The following C21orf58 variants were observed in gnomAD, a reference collection of about 807,000 sequenced individuals.
C21orf58 encodes the protein chromosome 21 open reading frame 58.
In C21orf58, 34 loss-of-function variants were observed where a neutral mutation model predicts 35.8. The ratio of observed to expected loss-of-function variants is 0.95; its 90% CI spans 0.72 to 1.26. The LOEUF is 1.26. C21orf58 is among the 50% of genes most tolerant of loss of function. The pLI, the probability that C21orf58 is intolerant of heterozygous loss-of-function variation, is 0.00. For missense variants in C21orf58, 440 were observed against 414.3 expected (o/e 1.06, Z -0.54); for synonymous variants, 191 against 175.8 (o/e 1.09, Z -0.68).
intron 5 of C21orf58, chr21:46,313,084 G>A (rs2082811149): frequency 1.0e-6 from 1 of 984,822 alleles, no homozygotes; most frequent in Non-Finnish European, 1.2e-6. Context: ...GCAAACTTTT[G>A]CCAAGAGCTA....
In C21orf58 at chr21:46,301,472, C is replaced by T; in HGVS notation, c.*527G>A. 3.6e-6 allele frequency: 3 copies of T among 831,728 alleles called. No homozygotes were observed. Among genetic ancestry groups the T allele is most frequent in the Non-Finnish European group, 3.9e-6 (3 of 760,584 alleles). The allele number at this position is 831,728 out of a possible 1,614,324, so 51.5% of individuals were successfully genotyped here. ...TCTTTAGTGGGAGTCTGTGCCACAG[C>T]TGTGGACACAGGTGTCCCTAGTTAT... is the stretch of plus-strand genomic sequence containing the variant. On this transcript the variant is annotated 3_prime_UTR_variant, in exon 8 of 8. Coordinates refer to ENST00000291691, the MANE Select transcript of C21orf58 (RefSeq NM_058180.5).
intron 6 of C21orf58, among the ~76,000 whole-genome samples, chr21:46,303,757 TTTTTTTTTTTTG>T (rs1569116993): frequency 2.4e-5 from 2 of 82,214 alleles, no homozygotes; most frequent in Non-Finnish European, 5.0e-5. Context: ...TTTTTTTTTT[TTTTTTTTTTTTG>T]GAGACAGAGT....
At chr21:46,308,276 C>T (rs2082514821) in intron 6 of C21orf58, among the ~76,000 whole-genome samples, 1 of 152,266 alleles carries the variant, frequency 6.6e-6, no homozygotes, top group Admixed American at 6.5e-5. Flanking sequence ...GCCTGGCCAA[C>T]ATGGAGAAAC....
rs566609982 is a variant in C21orf58 at position 46,313,163 on chromosome 21, G to A, written c.609+1553C>T. On this transcript the variant is annotated intron_variant, in intron 5 of 7. Transcript: ENST00000291691. ...AGTTGGCCATTGCAGCATGAAAGCA[G>A]CTACGGACAATGTGGAAACAAATGG... is the stretch of plus-strand genomic sequence containing the variant. The A allele has an allele frequency of 5.9e-5, 34 of 572,468 alleles. No individual in the cohort carries two copies. In the Middle Eastern group the frequency reaches 2.6e-3, roughly 44 times the overall value. The allele number at this position is 572,468 out of a possible 1,614,324, so 35.5% of individuals were successfully genotyped here. A position where few individuals can be genotyped will look rare whatever the true frequency, so the allele number is the denominator to read the frequency against.
intron 6 of C21orf58, among the ~76,000 whole-genome samples, chr21:46,310,507 AAAC>A (rs1569126543): frequency 4.8e-5 from 7 of 145,644 alleles, no homozygotes; most frequent in African/African-American, 1.5e-4. Flanking sequence ...TAAAAAAAAA[AAAC>A]AAAACTTGTC....
chr21:46,303,735 ATATATATATATTTTTTTTTTT>A (rs2082263472), intron 6 of C21orf58, among the ~76,000 whole-genome samples: 2 of 28,126 alleles, frequency 7.1e-5, no homozygotes, highest in African/African-American at 1.4e-4. Flanking sequence ...ATATATATAT[ATATATATATATTTTTTTTTTT>A]TTTTTTTTTT....
intron 6 of C21orf58, among the ~76,000 whole-genome samples, chr21:46,303,037 G>C (rs2082196963): frequency 6.6e-6 from 1 of 152,138 alleles, no homozygotes; most frequent in Admixed American, 6.5e-5. Context: ...GGTGGTTCAA[G>C]CCTGTAATCC....
chr21:46,303,829 G>C (rs1401273630), intron 6 of C21orf58, among the ~76,000 whole-genome samples: 1 of 138,238 alleles, frequency 7.2e-6, no homozygotes, highest in Non-Finnish European at 1.5e-5. Context: ...TCGACTCACT[G>C]CAAGCTCCGC....
In C21orf58 at chr21:46,323,618, C is replaced by G. The variant is rs2083249943; in HGVS notation, c.-880G>C. The G allele has an allele frequency of 6.5e-6, 1 of 153,748 alleles. No individual in the cohort carries two copies. Among genetic ancestry groups the G allele is most frequent in the East Asian group, 1.9e-4 (1 of 5,228 alleles). The allele number at this position is 153,748 out of a possible 1,614,324, so 9.5% of individuals were successfully genotyped here. A position where few individuals can be genotyped will look rare whatever the true frequency, so the allele number is the denominator to read the frequency against. The stretch of plus-strand genomic sequence containing the variant: ...ATTTTGTTTCGGGTTCCCAGGGTCC[C>G]GGCAAGGGTGAGGGAGCCCTTGCGG... On this transcript the variant is annotated 5_prime_UTR_variant, in exon 1 of 8. Coordinates refer to ENST00000291691, the MANE Select transcript of C21orf58 (RefSeq NM_058180.5).
rs191242354 is a variant in C21orf58, at chr21:46,316,008, G to A, written c.371-461C>T. ...ATCCCTCAAGTCTGCCCCCTAGTCC[G>A]GGCGTGGTGGCTCATGCCTGTCATC... On this transcript the variant is annotated intron_variant, in intron 3 of 7. Transcript: ENST00000291691. Among the ~76,000 whole-genome samples, 8 of 152,188 alleles carry A rather than the reference G, an allele frequency of 5.3e-5. No homozygotes were observed. The East Asian group carries it at 1.4e-3, about 26-fold the overall frequency.
chr21:46,302,699 G>A (rs1315303830), intron 6 of C21orf58, 123 bp from the exon 7 acceptor site: 3 of 770,090 alleles, frequency 3.9e-6, no homozygotes, highest in Admixed American at 2.3e-5. Flanking sequence ...CCCGGGGCAG[G>A]CTCTGAGTCC....
chr21:46,317,305 C>T (rs753410378), intron 2 of C21orf58, 37 bp from the exon 3 acceptor site: 5 of 1,602,398 alleles, frequency 3.1e-6, no homozygotes, highest in Non-Finnish European at 3.4e-6. Context: ...GACGGTGGCT[C>T]CACGCAAAGG....
At chr21:46,318,582 T>G in intron 1 of C21orf58, 1 of 1,157,996 alleles carries the variant, frequency 8.6e-7, no homozygotes, top group Non-Finnish European at 1.1e-6. Flanking sequence ...TCCAGGGTGT[T>G]AATACCTCCC....
chr21:46,303,749 T>G (rs1436641036), intron 6 of C21orf58, among the ~76,000 whole-genome samples: 1 of 18,940 alleles, frequency 5.3e-5, no homozygotes, highest in Non-Finnish European at 9.8e-5. Flanking sequence ...ATATATATTT[T>G]TTTTTTTTTT....
chr21:46,322,366 G>A (rs1438967257), intron 1 of C21orf58: 3 of 836,124 alleles, frequency 3.6e-6, no homozygotes, highest in Non-Finnish European at 4.3e-6. Flanking sequence ...CCACAGAAAC[G>A]ACTCTGGGGT....
At chr21:46,316,612 G>A (rs1180958294) in intron 3 of C21orf58, among the ~76,000 whole-genome samples, 1 of 152,218 alleles carries the variant, frequency 6.6e-6, no homozygotes, top group African/African-American at 2.4e-5. Context: ...GGGAACCCTA[G>A]CCAGCCCTTG....
At chr21:46,315,409 A>C in intron 4 of C21orf58, 65 bp downstream of exon 4, 2 of 1,016,044 alleles carry the variant, frequency 2.0e-6, no homozygotes, top group Non-Finnish European at 3.2e-6. Flanking sequence ...TGGTGCCTTA[A>C]GGCTGAGCAG....
chr21:46,323,648 CCT>C lies in C21orf58; in HGVS notation c.-912_-911del, dbSNP rs1285032897. ...AGGGTGAGGGAGCCCTTGCGGATCC[CCT>C]GAGATCCACCTCAGCAGCCTCCTCC... On this transcript the variant is annotated 5_prime_UTR_variant, in exon 1 of 8. Transcript: ENST00000291691. 9.3e-5 allele frequency: 15 copies of C among 161,290 alleles called. No homozygotes were observed. In the South Asian group the frequency reaches 1.5e-3, roughly 16 times the overall value. 10.0% of individuals were successfully genotyped at this position (161,290 alleles called of 1,614,324 possible). A position where few individuals can be genotyped will look rare whatever the true frequency, so the allele number is the denominator to read the frequency against.
chr21:46,306,144 G>T (rs1290234261), intron 6 of C21orf58, among the ~76,000 whole-genome samples: 2 of 151,872 alleles, frequency 1.3e-5, no homozygotes, highest in Non-Finnish European at 2.9e-5. Flanking sequence ...GCAATCACAG[G>T]GTCCTTAGAA....
Sources: allele counts gnomAD v4.1 joint callset (sites outside exome capture counted in the v4.1 genomes callset), GRCh38; gene constraint gnomAD v4.1.1; transcripts MANE v1.5; gene names NCBI Gene and HGNC (gene_info 2026-07-23, HGNC 2026-07-21).